PCDH7: variants seen among roughly 807,000 people sequenced by gnomAD.
PCDH7 encodes the protein protocadherin 7, also known as protocadherin-7.
In PCDH7, 17 loss-of-function variants were observed where a neutral mutation model predicts 58.9. That is an observed-to-expected ratio of 0.29 (90% CI 0.20 to 0.43). The LOEUF is 0.43. Among genes scored for constraint, PCDH7 ranks in the 20% least tolerant of loss-of-function variants. PCDH7 has a pLI of 1.00. For synonymous variants in PCDH7, 664 were observed against 616.4 expected (o/e 1.08, Z -1.14); for missense variants, 1,274 against 1,441.0 (o/e 0.88, Z 1.88).
At chr4:30,858,520 A>C (rs1034693543) in intron 1 of PCDH7, among the ~76,000 whole-genome samples, 15 of 152,196 alleles carry the variant, frequency 9.9e-5, no homozygotes, top group African/African-American at 3.4e-4. Context: ...CAAGTAATTA[A>C]GTAAATTTAT....
chr4:31,077,924 G>T (rs1204919955), intron 3 of PCDH7, among the ~76,000 whole-genome samples: 1 of 152,174 alleles, frequency 6.6e-6, no homozygotes, highest in Non-Finnish European at 1.5e-5. Flanking sequence ...GAATTAAAAT[G>T]AGGTGGCTGA....
chr4:30,826,859 G>C (rs1264540688), intron 1 of PCDH7, among the ~76,000 whole-genome samples: 2 of 151,964 alleles, frequency 1.3e-5, no homozygotes, highest in African/African-American at 2.4e-5. Context: ...CCAAATAGTT[G>C]GGACTACTGG....
intron 3 of PCDH7, among the ~76,000 whole-genome samples, chr4:31,119,999 G>A (rs569133711): frequency 5.3e-5 from 8 of 151,160 alleles, no homozygotes; most frequent in Admixed American, 4.6e-4. Flanking sequence ...TGCTGGCTGC[G>A]ACCAATTATT....
At chr4:31,039,424 T>C (rs772766984) in intron 3 of PCDH7, among the ~76,000 whole-genome samples, 1 of 152,180 alleles carries the variant, frequency 6.6e-6, no homozygotes, top group Non-Finnish European at 1.5e-5. Context: ...CTTGCTATGT[T>C]GCCCAGGCTG....
chr4:31,091,057 C>G (rs2109284495), intron 3 of PCDH7, among the ~76,000 whole-genome samples: 1 of 152,084 alleles, frequency 6.6e-6, no homozygotes, highest in Middle Eastern at 3.4e-3. Context: ...ACATTCATTT[C>G]TAGCCCAGTT....
At chr4:30,992,272 CTT>C (rs1209695989) in intron 3 of PCDH7, among the ~76,000 whole-genome samples, 1 of 152,118 alleles carries the variant, frequency 6.6e-6, no homozygotes, top group East Asian at 1.9e-4. Context: ...TCTAAGGAAA[CTT>C]TTATTCTTTA....
At chr4:31,123,313 A>G (rs1717908052) in intron 3 of PCDH7, among the ~76,000 whole-genome samples, 1 of 152,208 alleles carries the variant, frequency 6.6e-6, no homozygotes, top group African/African-American at 2.4e-5. Flanking sequence ...AAGAATCAAT[A>G]TTCTATCTAT....
intron 3 of PCDH7, among the ~76,000 whole-genome samples, chr4:31,130,915 G>A (rs558682386): frequency 6.6e-6 from 1 of 152,156 alleles, no homozygotes; most frequent in Admixed American, 6.5e-5. Context: ...TAGCAACCAT[G>A]GCAAAGGGGA....
chr4:31,083,080 C>G (rs1711798856), intron 3 of PCDH7, among the ~76,000 whole-genome samples: 1 of 152,040 alleles, frequency 6.6e-6, no homozygotes, highest in African/African-American at 2.4e-5. Context: ...TGCACTCCAG[C>G]CTGGGCGACA....
chr4:30,757,918 T>G (rs1351875981), intron 1 of PCDH7, among the ~76,000 whole-genome samples: 4 of 142,494 alleles, frequency 2.8e-5, no homozygotes, highest in African/African-American at 1.1e-4. Context: ...ACATGCTCTG[T>G]GCCAGGCAGT....
At chr4:30,789,354 T>C (rs1185875777) in intron 1 of PCDH7, among the ~76,000 whole-genome samples, 1 of 152,206 alleles carries the variant, frequency 6.6e-6, no homozygotes, top group Non-Finnish European at 1.5e-5. Context: ...ATCAGCCTGA[T>C]TGAGTTCAGA....
Position 31,108,369 on chromosome 4 carries a change from T to TAAAAAAAAAAAAAAAAAA in PCDH7, c.*8-34081_*8-34064dup, listed in dbSNP as rs71190491. Among the ~76,000 whole-genome samples, 6 of 60,094 alleles carry TAAAAAAAAAAAAAAAAAA rather than the reference T, an allele frequency of 1.0e-4. 1 individual carries two copies. The highest frequency in any genetic ancestry group is 1.9e-4 in the Non-Finnish European group (5 of 27,012). 39.4% of individuals were successfully genotyped at this position (60,094 alleles called of 152,430 possible). A position where few individuals can be genotyped will look rare whatever the true frequency, so the allele number is the denominator to read the frequency against. On this transcript the variant is annotated intron_variant, in intron 3 of 3. Transcript: ENST00000509759. ...GTAGACTGTAACATACAGCATACAGTAAAAAAAAAAAAAAAAAAAAAAAAA... is the reference window on the plus strand; with the variant it reads ...GTAGACTGTAACATACAGCATACAGTAAAAAAAAAAAAAAAAAAAAAAAAAAAAAAAAAAAAAAAAAAA...
chr4:30,751,909 C>T (rs1220295527), intron 1 of PCDH7, among the ~76,000 whole-genome samples: 1 of 152,068 alleles, frequency 6.6e-6, no homozygotes, highest in African/African-American at 2.4e-5. Context: ...CCTTCCTATT[C>T]GCTGTCATTT....
chr4:31,070,400 T>C (rs1184433336), intron 3 of PCDH7, among the ~76,000 whole-genome samples: 1 of 152,114 alleles, frequency 6.6e-6, no homozygotes, highest in Non-Finnish European at 1.5e-5. Context: ...TCCAGCAAGA[T>C]CCAATAATAC....
At position 30,872,645 on chromosome 4, in the gene PCDH7, T is replaced by C. The variant is rs2109363301; in HGVS notation, c.71-47508T>C. Reference sequence around the variant, plus strand: ...TCTGTAAGTTTCAATCCCTCATCAATAAAATGAGGACAATTCCTATAAATC... The same window carrying C: ...TCTGTAAGTTTCAATCCCTCATCAACAAAATGAGGACAATTCCTATAAATC... On this transcript the variant is annotated intron_variant, in intron 1 of 3. Transcript: ENST00000509759. Among the ~76,000 whole-genome samples, 2 of 152,110 alleles carry C rather than the reference T, an allele frequency of 1.3e-5. 1 individual carries two copies. Among genetic ancestry groups the C allele is most frequent in the South Asian group, 4.1e-4 (2 of 4,828 alleles).
Position 30,920,130 on chromosome 4 carries a change from A to G in PCDH7, c.71-23A>G, listed in dbSNP as rs764275014. The G allele has an allele frequency of 8.8e-6, 12 of 1,361,068 alleles. No individual in the cohort carries two copies. In the African/African-American group the frequency reaches 1.5e-4, roughly 17 times the overall value. 84.3% of individuals were successfully genotyped at this position (1,361,068 alleles called of 1,614,324 possible). A position where few individuals can be genotyped will look rare whatever the true frequency, so the allele number is the denominator to read the frequency against. Reference sequence around the variant, plus strand: ...ATTTACAATCTTACATCGTAGTGACATTCAGAATCTTTTCTTTTGCAGCCA... The same window carrying G: ...ATTTACAATCTTACATCGTAGTGACGTTCAGAATCTTTTCTTTTGCAGCCA... On this transcript the variant is annotated intron_variant, in intron 1 of 3. Transcript: ENST00000509759.
At chr4:30,929,394 T>C (rs1481948749) in intron 2 of PCDH7, among the ~76,000 whole-genome samples, 1 of 152,156 alleles carries the variant, frequency 6.6e-6, no homozygotes, top group Non-Finnish European at 1.5e-5. Flanking sequence ...TTACTTAATA[T>C]ACGCAGGTAG....
At chr4:30,780,086 C>T (rs1288652725) in intron 1 of PCDH7, among the ~76,000 whole-genome samples, 3 of 152,042 alleles carry the variant, frequency 2.0e-5, no homozygotes, top group African/African-American at 7.3e-5. Context: ...TTAACTTTGG[C>T]CAAATGTAAT....
At chr4:30,758,940 G>GCTTTTTTTTTTTT (rs1553880707) in intron 1 of PCDH7, among the ~76,000 whole-genome samples, 1 of 124,238 alleles carries the variant, frequency 8.0e-6, no homozygotes, top group Non-Finnish European at 1.7e-5. Context: ...TTGAAGAAGT[G>GCTTTTTTTTTTTT]TTTTTTTTTT....
Sources: gnomAD v4.1 joint callset for allele counts (sites outside exome capture counted in the v4.1 genomes callset) on GRCh38, gnomAD v4.1.1 for gene constraint, MANE v1.5 for transcripts, NCBI Gene and HGNC (gene_info 2026-07-23, HGNC 2026-07-21) for gene names.